Variants in PALB2 observed in about 807,000 individuals in gnomAD.
The protein encoded by PALB2 is mutant partner and localizer of BRCA2.
A neutral mutation model predicts 107.4 loss-of-function variants in PALB2; 82 were observed. The ratio of observed to expected loss-of-function variants is 0.76; its 90% CI spans 0.64 to 0.92. The LOEUF (loss-of-function observed/expected upper bound fraction) is 0.92. PALB2 is among the 40% of genes least tolerant of loss of function. The pLI is 0.00. For synonymous variants in PALB2, 489 were observed against 496.8 expected, an observed-to-expected ratio of 0.98 and a Z score of 0.21; for missense variants, 1,374 against 1,379.9, an observed-to-expected ratio of 1.00 and a Z score of 0.07.
At chr16:23,634,064 G>A (rs1011047357) in intron 4 of PALB2, among the ~76,000 whole-genome samples, 2 of 152,136 alleles carry the variant, frequency 1.3e-5, no homozygotes, top group African/African-American at 4.8e-5. Context: ...TTCTATGTTA[G>A]CTGTGAAGCT....
intron 4 of PALB2, among the ~76,000 whole-genome samples, chr16:23,630,807 T>C (rs992629329): frequency 6.6e-6 from 1 of 152,130 alleles, no homozygotes; most frequent in Admixed American, 6.6e-5. Context: ...TTTTCTGCAC[T>C]ACCCAAAACA....
At position 23,634,852 on chromosome 16, in the gene PALB2, C is replaced by T. The variant is rs1057517620; in HGVS notation, c.1684+10G>A. 6 of 1,610,270 alleles carry T rather than the reference C, an allele frequency of 3.7e-6. No individual in the cohort carries two copies. The highest frequency in any genetic ancestry group is 4.2e-6 in the Non-Finnish European group (5 of 1,177,936). ...TCATCATCATCATCATCAAACACAT[C>T]TTGATTTACCTTTCACTTGAATAAA... On this transcript the variant is annotated intron_variant, in intron 4 of 12. Transcript: ENST00000261584.
chr16:23,634,874 T>A lies in PALB2; in HGVS notation c.1672A>T (p.Ile558Phe). 1.2e-6 allele frequency: 2 copies of A among 1,613,824 alleles called. No homozygotes were observed. The highest frequency in any genetic ancestry group is 1.7e-6 in the Non-Finnish European group (2 of 1,179,808). Residue 558 changes from isoleucine (I) to phenylalanine (F), a missense_variant, in exon 4 of 13, where the codon ATT becomes TTT. By Grantham distance (21) the Ile-to-Phe change is conservative (BLOSUM62 0). Coordinates refer to ENST00000261584, the MANE Select transcript of PALB2 (RefSeq NM_024675.4). ...SHKYQHEKLFIQVKGKKSRHQ... is the reference protein window; with the variant it reads ...SHKYQHEKLFFQVKGKKSRHQ... Reference sequence around the variant, plus strand: ...CATCTTGATTTACCTTTCACTTGAATAAATAATTTTTCGTGCTGATATTTG... The same window carrying A: ...CATCTTGATTTACCTTTCACTTGAAAAAATAATTTTTCGTGCTGATATTTG...
chr16:23,639,376 T>C (rs1432470212), intron 1 of PALB2, among the ~76,000 whole-genome samples: 2 of 151,496 alleles, frequency 1.3e-5, no homozygotes, highest in Non-Finnish European at 2.9e-5. Flanking sequence ...CTACTAAAGA[T>C]ACAAAAATGA....
chr16:23,610,317 T>TC (rs1439623667), intron 11 of PALB2, among the ~76,000 whole-genome samples: 1 of 151,448 alleles, frequency 6.6e-6, no homozygotes, highest in East Asian at 1.9e-4. Flanking sequence ...TTCTTTTTTT[T>TC]TTTTTTTTTT....
Position 23,641,251 on chromosome 16 carries a change from G to C in PALB2, c.-94C>G, listed in dbSNP as rs1967242561. 2 of 1,491,838 alleles carry C rather than the reference G, an allele frequency of 1.3e-6. No individual in the cohort carries two copies. Among genetic ancestry groups the C allele is most frequent in the African/African-American group, 2.8e-5 (2 of 72,150 alleles). 92.4% of individuals were successfully genotyped at this position (1,491,838 alleles called of 1,614,324 possible). A position where few individuals can be genotyped will look rare whatever the true frequency, so the allele number is the denominator to read the frequency against. ...GGCCCTGGGCCGGGGAGGCGCCCCAGGAAGGAATGGGGAGCCCGGGATCGC... is the reference window on the plus strand; with the variant it reads ...GGCCCTGGGCCGGGGAGGCGCCCCACGAAGGAATGGGGAGCCCGGGATCGC... On this transcript the variant is annotated 5_prime_UTR_variant, in exon 1 of 13. Transcript: ENST00000261584.
At chr16:23,628,830 C>T (rs1356066622) in intron 6 of PALB2, among the ~76,000 whole-genome samples, 2 of 152,076 alleles carry the variant, frequency 1.3e-5, no homozygotes, top group Non-Finnish European at 2.9e-5. Flanking sequence ...GATGGGGTTT[C>T]ATCATGTTGG....
rs767165391 is a variant in PALB2 at position 23,624,076 on chromosome 16, C to A, written c.2767G>T (p.Val923Phe). Residue 923 changes from valine (V) to phenylalanine (F), a missense_variant, in exon 8 of 13, where the codon GTT (valine) becomes TTT (phenylalanine). Val to Phe is a conservative substitution (Grantham distance 50). Transcript: ENST00000261584. ...AGATTATACACATCAGGCACTGGAA[C>A]TATCTGTAATACTGGAACCTAAATA... Reference protein sequence around the residue: ...HFAEVPVLQIVPVPDVYNLVC... With the variant: ...HFAEVPVLQIFPVPDVYNLVC... 6.2e-7 allele frequency: 1 copy of A among 1,607,320 alleles called. No individual in the cohort carries two copies. Among genetic ancestry groups the A allele is most frequent in the Non-Finnish European group, 8.5e-7 (1 of 1,174,064 alleles).
intron 12 of PALB2, among the ~76,000 whole-genome samples, chr16:23,604,891 T>C (rs1480405791): frequency 2.0e-5 from 3 of 151,718 alleles, no homozygotes; most frequent in Non-Finnish European, 4.4e-5. Context: ...CTGGCCAACA[T>C]GGTGAAACCC....
At position 23,624,198 on chromosome 16, in the gene PALB2, G is replaced by T. The variant is rs1000181759; in HGVS notation, c.2749-104C>A. 6 of 770,466 alleles carry T rather than the reference G, an allele frequency of 7.8e-6. No homozygotes were observed. The African/African-American group carries it at 8.7e-5, about 11-fold the overall frequency. 47.7% of individuals were successfully genotyped at this position (770,466 alleles called of 1,614,324 possible). ...ATTCTTTTGTATTCTCACTGTACAA[G>T]GATAATTTTCATCATTTGAAGGCTC... is the stretch of plus-strand genomic sequence containing the variant. On this transcript the variant is annotated intron_variant, in intron 7 of 12. Coordinates refer to ENST00000261584, the MANE Select transcript of PALB2 (RefSeq NM_024675.4).
intron 10 of PALB2, chr16:23,617,811 G>A (rs1002316829): frequency 2.0e-5 from 3 of 152,112 alleles, no homozygotes; most frequent in Non-Finnish European, 4.4e-5. Flanking sequence ...AATGAAGGCT[G>A]GAATAGTACA....
rs373796987 is a variant in PALB2 at position 23,630,120 on chromosome 16, T to C, written c.2034A>G (p.Leu678=). ...MEDLEEDLIV[L]PGKSHPKRPN... Reference sequence around the variant, plus strand: ...GCCTTTTGGGATGTGATTTTCCTGGTAGAACAATAAGGTCCTCTTCTAAGT... The same window carrying C: ...GCCTTTTGGGATGTGATTTTCCTGGCAGAACAATAAGGTCCTCTTCTAAGT... The change falls in exon 5 of 13, where the codon CTA becomes CTG. Residue 678 remains leucine (L), a synonymous_variant. Transcript: ENST00000261584. 1.5e-5 allele frequency: 25 copies of C among 1,614,168 alleles called. No individual in the cohort carries two copies. Among genetic ancestry groups the C allele is most frequent in the South Asian group, 1.2e-4 (11 of 91,078 alleles).
intron 11 of PALB2, among the ~76,000 whole-genome samples, chr16:23,613,633 A>C (rs1555458773): frequency 6.6e-6 from 1 of 151,982 alleles, no homozygotes; most frequent in Admixed American, 6.6e-5. Flanking sequence ...AACAAGAGCA[A>C]AACTCCATCC....
Position 23,624,225 on chromosome 16 carries a change from G to T in PALB2, c.2749-131C>A. 5.8e-6 allele frequency: 4 copies of T among 691,962 alleles called. No individual in the cohort carries two copies. In the South Asian group the frequency reaches 6.7e-5, roughly 12 times the overall value. 42.9% of individuals were successfully genotyped at this position (691,962 alleles called of 1,614,324 possible). On this transcript the variant is annotated intron_variant, in intron 7 of 12. Coordinates refer to ENST00000261584, the MANE Select transcript of PALB2 (RefSeq NM_024675.4). Reference sequence around the variant, plus strand: ...ATAATTTTCATCATTTGAAGGCTCAGAAAACTCTTTTTATTAGCTGTAAAT... The same window carrying T: ...ATAATTTTCATCATTTGAAGGCTCATAAAACTCTTTTTATTAGCTGTAAAT...
At chr16:23,629,318 T>C in intron 5 of PALB2, 43 bp from the exon 6 acceptor site, 1 of 1,523,940 alleles carries the variant, frequency 6.6e-7, no homozygotes, top group Non-Finnish European at 9.1e-7. Context: ...ACTTTATGTA[T>C]AATGTCTGCC....
rs758500749 is a variant in PALB2, at chr16:23,641,128, G to C, written c.30C>G (p.Ser10Arg). The change falls in exon 1 of 13, where the codon AGC becomes AGG. Residue 10 changes from serine to arginine, a missense_variant. Ser to Arg is a moderately radical substitution (Grantham distance 110). Coordinates refer to ENST00000261584, the MANE Select transcript of PALB2 (RefSeq NM_024675.4). The stretch of plus-strand genomic sequence containing the variant: ...CCGGCACCTTTTCCTTCTCCTCACA[G>C]CTGAGGGGCTTCCCGGGAGGCTCGT... The part of the protein sequence containing the change: MDEPPGKPL[S>R]CEEKEKLKEK... The C allele has an allele frequency of 6.2e-7, 1 of 1,613,546 alleles. No homozygotes were observed. The highest frequency in any genetic ancestry group is 8.5e-7 in the Non-Finnish European group (1 of 1,179,872).
chr16:23,636,043 G>T lies in PALB2; in HGVS notation c.503C>A (p.Ser168Ter), dbSNP rs515726122. 1 of 1,614,060 alleles carries T rather than the reference G, an allele frequency of 6.2e-7. No homozygotes were observed. Among genetic ancestry groups the T allele is most frequent in the Non-Finnish European group, 8.5e-7 (1 of 1,180,010 alleles). The change falls in exon 4 of 13, where the codon TCA becomes TAA. Residue 168 changes from serine (S) to a stop codon, truncating the protein, a stop_gained. Coordinates refer to ENST00000261584, the MANE Select transcript of PALB2 (RefSeq NM_024675.4). LOFTEE classifies it high-confidence loss of function. ...QERDCVFGTDSLRLSGKRLKE... is the reference protein window; with the variant it reads ...QERDCVFGTD ...TAGTCTTTTCCCAGACAATCTGAGT[G>T]AATCAGTGCCAAAGACACAGTCTCT... is the stretch of plus-strand genomic sequence containing the variant.
At chr16:23,614,888 G>T (rs1031879659) in intron 10 of PALB2, among the ~76,000 whole-genome samples, 1 of 150,468 alleles carries the variant, frequency 6.6e-6, no homozygotes, top group Non-Finnish European at 1.5e-5. Context: ...CTGACCTCGT[G>T]ATCCGCCCGC....
chr16:23,611,214 G>T (rs1156383929), intron 11 of PALB2, among the ~76,000 whole-genome samples: 4 of 151,974 alleles, frequency 2.6e-5, no homozygotes, highest in Non-Finnish European at 5.9e-5. Flanking sequence ...GCACGATCTT[G>T]GCTCACTGCA....
Sources: gnomAD v4.1 joint callset for allele counts (sites outside exome capture counted in the v4.1 genomes callset) on GRCh38, gnomAD v4.1.1 for gene constraint, MANE v1.5 for transcripts, NCBI Gene and HGNC (gene_info 2026-07-23, HGNC 2026-07-21) for gene names.